Variants in OR52A5 observed in about 807,000 individuals in gnomAD.
OR52A5 encodes olfactory receptor 52A5.
A neutral mutation model predicts 18.2 loss-of-function variants in OR52A5; 16 were observed. The observed-to-expected ratio is 0.88, with a 90% CI of 0.60 to 1.34. OR52A5 has a LOEUF of 1.34. Ranked by LOEUF, OR52A5 falls within the 40% of genes most tolerant of loss-of-function variation. OR52A5 has a pLI of 0.00. For synonymous variants in OR52A5, 140 were observed against 137.2 expected (o/e 1.02, Z -0.14); for missense variants, 418 against 383.0 (o/e 1.09, Z -0.76).
At chr11:5,135,066 G>A (rs1846379103) in intron 1 of OR52A5, among the ~76,000 whole-genome samples, 2 of 152,000 alleles carry the variant, frequency 1.3e-5, no homozygotes, top group East Asian at 1.9e-4. Flanking sequence ...AATAGAGACG[G>A]GGTTTCACCA....
In OR52A5 at chr11:5,130,701, G is replaced by C. The variant is rs1846328573; in HGVS notation, c.*991C>G. On this transcript the variant is annotated 3_prime_UTR_variant, in exon 2 of 2. Transcript: ENST00000307388. ...TTGTATGTATCTATGTCTGCCTCTT[G>C]AATGATATGATTTTTTACATCAGAA... 6.6e-6 allele frequency: 1 copy of C among 151,924 alleles called. No homozygotes were observed. The highest frequency in any genetic ancestry group is 1.5e-5 in the Non-Finnish European group (1 of 67,926). 9.4% of individuals were successfully genotyped at this position (151,924 alleles called of 1,614,324 possible).
At chr11:5,133,477 G>GTTT (rs199734661) in intron 1 of OR52A5, among the ~76,000 whole-genome samples, 1 of 138,856 alleles carries the variant, frequency 7.2e-6, no homozygotes, top group Non-Finnish European at 1.6e-5. Flanking sequence ...TCCACTGGCT[G>GTTT]TTTTTTTTTT....
chr11:5,131,749 C>T lies in OR52A5; in HGVS notation c.894G>A (p.Lys298=), dbSNP rs1205350604. The change falls in exon 2 of 2, where the codon AAG becomes AAA. Residue 298 remains lysine, a synonymous_variant. Coordinates refer to ENST00000307388, the MANE Select transcript of OR52A5 (RefSeq NM_001005160.3). ...PFLNPIVYGV[K]TKQIRDHIVK... ...CAATATGGTCACGAATTTGCTTGGT[C>T]TTCACTCCATAGACAATAGGGTTGA... 2 of 1,613,832 alleles carry T rather than the reference C, an allele frequency of 1.2e-6. No homozygotes were observed. Among genetic ancestry groups the T allele is most frequent in the Non-Finnish European group, 1.7e-6 (2 of 1,179,964 alleles).
intron 1 of OR52A5, among the ~76,000 whole-genome samples, 158 bp from the exon 2 acceptor site, chr11:5,132,860 G>C (rs951628286): frequency 6.6e-6 from 1 of 152,100 alleles, no homozygotes; most frequent in African/African-American, 2.4e-5. Context: ...ATCAGGTTCT[G>C]TTTCTCCATG....
chr11:5,130,705 G>T lies in OR52A5; in HGVS notation c.*987C>A, dbSNP rs370294647. 2.2e-4 allele frequency: 33 copies of T among 152,096 alleles called. No individual in the cohort carries two copies. Among genetic ancestry groups the T allele is most frequent in the Middle Eastern group, 6.8e-3 (2 of 294 alleles). 9.4% of individuals were successfully genotyped at this position (152,096 alleles called of 1,614,324 possible). On this transcript the variant is annotated 3_prime_UTR_variant, in exon 2 of 2. Transcript: ENST00000307388. ...ATGTATCTATGTCTGCCTCTTGAAT[G>T]ATATGATTTTTTACATCAGAACGTT...
chr11:5,132,453 A>T lies in OR52A5; in HGVS notation c.190T>A (p.Phe64Ile). The change falls in exon 2 of 2, where the codon TTT becomes ATT. Residue 64 changes from phenylalanine to isoleucine, a missense_variant. By Grantham distance (21) the Phe-to-Ile change is conservative (BLOSUM62 0). Transcript: ENST00000307388. ...TCTGTGGCTGCCAACATGGCCAAAA[A>T]AATGTACATGGGTATATGGAGGCTG... ...ENSLHIPMYI[F>I]LAMLAATDIA... The T allele has an allele frequency of 6.2e-7, 1 of 1,614,194 alleles. No homozygotes were observed. The highest frequency in any genetic ancestry group is 8.5e-7 in the Non-Finnish European group (1 of 1,180,014).
In OR52A5 at chr11:5,130,032, G is replaced by A. The variant is rs2133520975; in HGVS notation, c.*1660C>T. On this transcript the variant is annotated 3_prime_UTR_variant, in exon 2 of 2. Transcript: ENST00000307388. The stretch of plus-strand genomic sequence containing the variant: ...TTAATTTTTTTCCATTAGATAATGT[G>A]CATTTTTAAGATCTTTGTTGTTTGT... 6.6e-6 allele frequency: 1 copy of A among 151,812 alleles called. No individual in the cohort carries two copies. The highest frequency in any genetic ancestry group is 6.6e-5 in the Admixed American group (1 of 15,250). The allele number at this position is 151,812 out of a possible 1,614,324, so 9.4% of individuals were successfully genotyped here.
intron 1 of OR52A5, among the ~76,000 whole-genome samples, chr11:5,134,042 A>G (rs1413722508): frequency 6.6e-6 from 1 of 152,146 alleles, no homozygotes; most frequent in Non-Finnish European, 1.5e-5. Flanking sequence ...AGAGCCTTCT[A>G]TCTCTGTTAC....
At chr11:5,134,881 A>T (rs551575320) in intron 1 of OR52A5, among the ~76,000 whole-genome samples, 13 of 152,078 alleles carry the variant, frequency 8.5e-5, no homozygotes, top group Non-Finnish European at 1.6e-4. Flanking sequence ...TTTAATTTTT[A>T]TTTTTTTAAC....
rs1846331765 is a variant in OR52A5 at position 5,131,010 on chromosome 11, T to A, written c.*682A>T. ...TTTTCTGTATGGTAAGATTGCATATTACTTAGAGCCTCCAAATTTGTGGCT... is the reference window on the plus strand; with the variant it reads ...TTTTCTGTATGGTAAGATTGCATATAACTTAGAGCCTCCAAATTTGTGGCT... On this transcript the variant is annotated 3_prime_UTR_variant, in exon 2 of 2. Transcript: ENST00000307388. 1 of 152,172 alleles carries A rather than the reference T, an allele frequency of 6.6e-6. No homozygotes were observed. Among genetic ancestry groups the A allele is most frequent in the Admixed American group, 6.5e-5 (1 of 15,284 alleles). The allele number at this position is 152,172 out of a possible 1,614,324, so 9.4% of individuals were successfully genotyped here. A position where few individuals can be genotyped will look rare whatever the true frequency, so the allele number is the denominator to read the frequency against.
chr11:5,130,081 A>G lies in OR52A5; in HGVS notation c.*1611T>C, dbSNP rs1846321498. 1 of 151,326 alleles carries G rather than the reference A, an allele frequency of 6.6e-6. No homozygotes were observed. Among genetic ancestry groups the G allele is most frequent in the Non-Finnish European group, 1.5e-5 (1 of 67,748 alleles). 9.4% of individuals were successfully genotyped at this position (151,326 alleles called of 1,614,324 possible). On this transcript the variant is annotated 3_prime_UTR_variant, in exon 2 of 2. Transcript: ENST00000307388. ...GTCTTCCCTCATACTCCAGAGAATG[A>G]AAAAAAAATATGTCTTTTAGGATAT...
chr11:5,135,024 G>A (rs769366431), intron 1 of OR52A5, among the ~76,000 whole-genome samples: 26 of 151,836 alleles, frequency 1.7e-4, no homozygotes, highest in Non-Finnish European at 2.9e-4. Flanking sequence ...ACAGGCACCC[G>A]TCACCATGCC....
chr11:5,131,057 C>G lies in OR52A5; in HGVS notation c.*635G>C, dbSNP rs1265228001. 6.6e-6 allele frequency: 1 copy of G among 152,044 alleles called. No individual in the cohort carries two copies. The highest frequency in any genetic ancestry group is 1.5e-5 in the Non-Finnish European group (1 of 67,968). 9.4% of individuals were successfully genotyped at this position (152,044 alleles called of 1,614,324 possible). A position where few individuals can be genotyped will look rare whatever the true frequency, so the allele number is the denominator to read the frequency against. ...GGCTTTTGAATACCATTAATTGACA[C>G]AAAGAAAATGTTTACTCTGTTCATT... is the stretch of plus-strand genomic sequence containing the variant. On this transcript the variant is annotated 3_prime_UTR_variant, in exon 2 of 2. Coordinates refer to ENST00000307388, the MANE Select transcript of OR52A5 (RefSeq NM_001005160.3).
At chr11:5,133,994 T>C (rs1043301612) in intron 1 of OR52A5, among the ~76,000 whole-genome samples, 7 of 152,178 alleles carry the variant, frequency 4.6e-5, no homozygotes, top group African/African-American at 1.7e-4. Flanking sequence ...GTCTCTGCCC[T>C]TCACTGGTAA....
In OR52A5 at chr11:5,132,343, A is replaced by G. The variant is rs200085803; in HGVS notation, c.300T>C (p.Leu100=). ...HLPEISFDAC[L]FQMWLIHSFQ... is the part of the protein sequence containing the mutation. ...ATGAGTGAATAAGCCACATTTGAAA[A>G]AGACAGGCATCAAAAGAAATCTCTG... The change falls in exon 2 of 2, where the codon CTT becomes CTC. Residue 100 remains leucine, a synonymous_variant. Coordinates refer to ENST00000307388, the MANE Select transcript of OR52A5 (RefSeq NM_001005160.3). The G allele has an allele frequency of 6.2e-7, 1 of 1,614,208 alleles. No homozygotes were observed. Among genetic ancestry groups the G allele is most frequent in the South Asian group, 1.1e-5 (1 of 91,084 alleles).
Position 5,129,750 on chromosome 11 carries a change from A to C in OR52A5, c.*1942T>G, listed in dbSNP as rs1846317378. On this transcript the variant is annotated 3_prime_UTR_variant, in exon 2 of 2. Transcript: ENST00000307388. ...ATGGAACAAATTTGACCTGTAAAGA[A>C]GACCAAAAAGCAACCAAGAAGTCAA... The C allele has an allele frequency of 6.6e-6, 1 of 152,144 alleles. No homozygotes were observed. Among genetic ancestry groups the C allele is most frequent in the Non-Finnish European group, 1.5e-5 (1 of 68,032 alleles). The allele number at this position is 152,144 out of a possible 1,614,324, so 9.4% of individuals were successfully genotyped here. A position where few individuals can be genotyped will look rare whatever the true frequency, so the allele number is the denominator to read the frequency against.
Position 5,128,877 on chromosome 11 carries a change from G to A in OR52A5, c.*2815C>T, listed in dbSNP as rs1294521829. ...TATATAGATTTTTTTTTAGGATGAC[G>A]AAAGTATTTTCAATTAGGTAGTGAT... On this transcript the variant is annotated 3_prime_UTR_variant, in exon 2 of 2. Coordinates refer to ENST00000307388, the MANE Select transcript of OR52A5 (RefSeq NM_001005160.3). 4 of 151,942 alleles carry A rather than the reference G, an allele frequency of 2.6e-5. No homozygotes were observed. Among genetic ancestry groups the A allele is most frequent in the Non-Finnish European group, 5.9e-5 (4 of 67,966 alleles). The allele number at this position is 151,942 out of a possible 1,614,324, so 9.4% of individuals were successfully genotyped here.
intron 1 of OR52A5, among the ~76,000 whole-genome samples, chr11:5,136,709 C>A (rs1049198808): frequency 1.3e-5 from 2 of 152,068 alleles, no homozygotes; most frequent in Admixed American, 1.3e-4. Flanking sequence ...AGGAGATAGA[C>A]AAGGGCATTC....
Position 5,132,535 on chromosome 11 carries a change from C to T in OR52A5, c.108G>A (p.Met36Ile), listed in dbSNP as rs1375775560. The T allele has an allele frequency of 1.9e-6, 3 of 1,613,856 alleles. No individual in the cohort carries two copies. The East Asian group carries it at 6.7e-5, about 36-fold the overall frequency. Reference protein sequence around the residue: ...QCWIGIPFSAMYLIGVIGNSL... With the variant: ...QCWIGIPFSAIYLIGVIGNSL... ...AATTTCCAATCACACCAATAAGATA[C>T]ATGGCAGAGAAAGGAATCCCAATCC... The change falls in exon 2 of 2, where the codon ATG becomes ATA. Residue 36 changes from methionine (M) to isoleucine (I), a missense_variant. Physicochemically the swap from Met to Ile is conservative, Grantham distance 10 (BLOSUM62 1). Coordinates refer to ENST00000307388, the MANE Select transcript of OR52A5 (RefSeq NM_001005160.3).
Sources: gnomAD v4.1 joint callset for allele counts (sites outside exome capture counted in the v4.1 genomes callset) on GRCh38, gnomAD v4.1.1 for gene constraint, MANE v1.5 for transcripts, NCBI Gene and HGNC (gene_info 2026-07-23, HGNC 2026-07-21) for gene names.